The following SPAG16 variants were observed in gnomAD, a reference collection of about 807,000 sequenced individuals.
SPAG16 encodes sperm associated antigen 16.
SPAG16 carries 86 observed loss-of-function variants against 80.4 expected under a neutral mutation model. That is an observed-to-expected ratio of 1.07 (90% CI 0.90 to 1.28). SPAG16 has a LOEUF of 1.28. Ranked by LOEUF, SPAG16 falls within the 50% of genes most tolerant of loss-of-function variation. The pLI, the probability that SPAG16 is intolerant of heterozygous loss-of-function variation, is 0.00. For synonymous variants in SPAG16, 294 were observed against 265.9 expected, an observed-to-expected ratio of 1.11 and a Z score of -1.03; for missense variants, 870 against 765.3, an observed-to-expected ratio of 1.14 and a Z score of -1.61.
intron 15 of SPAG16, among the ~76,000 whole-genome samples, chr2:214,319,602 G>T (rs762603081): frequency 3.3e-5 from 5 of 152,098 alleles, no homozygotes; most frequent in African/African-American, 9.7e-5. Context: ...CCAAGGCTGG[G>T]TGACAGAGAC....
intron 13 of SPAG16, among the ~76,000 whole-genome samples, chr2:214,087,729 A>C (rs756780390): frequency 6.6e-5 from 10 of 152,084 alleles, no homozygotes; most frequent in Admixed American, 3.3e-4. Context: ...TAAGCTTGAA[A>C]ATGGGAGTCA....
intron 12 of SPAG16, among the ~76,000 whole-genome samples, chr2:213,952,509 A>G (rs1393958270): frequency 6.6e-6 from 1 of 152,144 alleles, no homozygotes; most frequent in Non-Finnish European, 1.5e-5. Flanking sequence ...TGGCTATCCA[A>G]TTTATAAATC....
At position 214,108,014 on chromosome 2, in the gene SPAG16, G is replaced by T. The variant is rs73076856; in HGVS notation, c.1528-182G>T. ...ATACCAGTACTATGGTATGCTCCCC[G>T]CTCTAGGTCTGTACTATTCTGAATA... On this transcript the variant is annotated intron_variant, in intron 13 of 15. Coordinates refer to ENST00000331683, the MANE Select transcript of SPAG16 (RefSeq NM_024532.5). Among the ~76,000 whole-genome samples, 902 of 151,994 alleles carry T rather than the reference G, an allele frequency of 5.9e-3. 7 individuals are homozygous for T. The highest frequency in any genetic ancestry group is 0.021 in the African/African-American group (877 of 41,470).
chr2:214,050,556 A>AGG (rs1553704208), intron 13 of SPAG16, among the ~76,000 whole-genome samples: 2 of 141,594 alleles, frequency 1.4e-5, no homozygotes, highest in African/African-American at 5.2e-5. Flanking sequence ...AATGACATAG[A>AGG]ACAGAATTGG....
At chr2:213,651,659 T>G (rs1334238210) in intron 10 of SPAG16, among the ~76,000 whole-genome samples, 2 of 152,190 alleles carry the variant, frequency 1.3e-5, no homozygotes, top group African/African-American at 4.8e-5. Context: ...CGAAAATGTC[T>G]CTGTGGTTCA....
chr2:213,535,877 C>T (rs2076228303), intron 10 of SPAG16, among the ~76,000 whole-genome samples: 2 of 151,924 alleles, frequency 1.3e-5, no homozygotes, highest in Non-Finnish European at 2.9e-5. Flanking sequence ...GATAGTTGAA[C>T]ATATTTTACA....
chr2:214,377,035 C>G (rs2126099545), intron 15 of SPAG16, among the ~76,000 whole-genome samples: 1 of 152,312 alleles, frequency 6.6e-6, no homozygotes, highest in South Asian at 2.1e-4. Context: ...TAAATAATAA[C>G]TACCTAAAGT....
At chr2:214,312,969 C>T (rs545464164) in intron 15 of SPAG16, among the ~76,000 whole-genome samples, 76 of 151,898 alleles carry the variant, frequency 5.0e-4, no homozygotes, top group African/African-American at 1.7e-3. Context: ...GGCAACAACT[C>T]CTTTTTTCAT....
chr2:213,461,539 CAATGAAA>C (rs2072362325), intron 9 of SPAG16, among the ~76,000 whole-genome samples: 1 of 152,058 alleles, frequency 6.6e-6, no homozygotes, highest in Non-Finnish European at 1.5e-5. Flanking sequence ...CTTGTGAAAA[CAATGAAA>C]CTTATAATAA....
chr2:214,351,388 C>CTGTG (rs140584779), intron 15 of SPAG16, among the ~76,000 whole-genome samples: 2,798 of 151,266 alleles, frequency 0.018, 72 homozygotes, highest in African/African-American at 0.064. Context: ...GTCTGTGTGT[C>CTGTG]TGTGTGTGTG....
intron 10 of SPAG16, among the ~76,000 whole-genome samples, chr2:213,788,050 G>T (rs1205965206): frequency 6.6e-6 from 1 of 151,894 alleles, no homozygotes; most frequent in East Asian, 1.9e-4. Flanking sequence ...CTATTGGATT[G>T]AATCATCATT....
chr2:213,755,643 T>G (rs2068289113), intron 10 of SPAG16, among the ~76,000 whole-genome samples: 1 of 152,192 alleles, frequency 6.6e-6, no homozygotes, highest in Non-Finnish European at 1.5e-5. Context: ...GGTTTGCTTT[T>G]GTAGAGCATA....
intron 13 of SPAG16, among the ~76,000 whole-genome samples, chr2:214,062,655 T>C (rs2050329795): frequency 6.8e-6 from 1 of 147,454 alleles, no homozygotes; most frequent in African/African-American, 2.5e-5. Context: ...GCACCTGTTG[T>C]AATAGCCTCC....
intron 10 of SPAG16, among the ~76,000 whole-genome samples, chr2:213,688,255 G>C (rs982834127): frequency 6.6e-6 from 1 of 152,174 alleles, no homozygotes; most frequent in Admixed American, 6.5e-5. Context: ...TTCTCATAGT[G>C]GCTGCCATTA....
At chr2:214,059,212 A>G (rs372344509) in intron 13 of SPAG16, among the ~76,000 whole-genome samples, 31 of 93,192 alleles carry the variant, frequency 3.3e-4, no homozygotes, top group South Asian at 1.7e-3. Context: ...ATATATATAT[A>G]TATGTATGTG....
Position 213,865,521 on chromosome 2 carries a change from A to G in SPAG16, c.1214+2893A>G, listed in dbSNP as rs1021295976. On this transcript the variant is annotated intron_variant, in intron 11 of 15. Transcript: ENST00000331683. ...TTCTTTATCATTAAATAAGAAAAAA[A>G]GAAAATAAGTGGATTATGAATTCAA... Among the ~76,000 whole-genome samples, 4 of 151,694 alleles carry G rather than the reference A, an allele frequency of 2.6e-5. No homozygotes were observed. In the South Asian group the frequency reaches 8.3e-4, roughly 31 times the overall value.
chr2:213,813,645 T>C (rs2072322997), intron 10 of SPAG16, among the ~76,000 whole-genome samples: 1 of 152,128 alleles, frequency 6.6e-6, no homozygotes, highest in African/African-American at 2.4e-5. Flanking sequence ...GCAAGAAACA[T>C]GCCCAGTTCA....
chr2:213,872,044 G>T (rs1291640204), intron 11 of SPAG16, among the ~76,000 whole-genome samples: 1 of 152,120 alleles, frequency 6.6e-6, no homozygotes, highest in Non-Finnish European at 1.5e-5. Context: ...AATATGTCAT[G>T]TTATATGACA....
intron 10 of SPAG16, among the ~76,000 whole-genome samples, chr2:213,660,597 T>C (rs2063388636): frequency 6.6e-6 from 1 of 152,110 alleles, no homozygotes; most frequent in African/African-American, 2.4e-5. Flanking sequence ...GCTGCCCTGC[T>C]GCACCATAAT....
Sources: gnomAD v4.1 joint callset for allele counts (sites outside exome capture counted in the v4.1 genomes callset) on GRCh38, gnomAD v4.1.1 for gene constraint, MANE v1.5 for transcripts, NCBI Gene and HGNC (gene_info 2026-07-23, HGNC 2026-07-21) for gene names.